The following PTPN12 variants were observed in gnomAD, a reference collection of about 807,000 sequenced individuals.
PTPN12 encodes the protein tyrosine-protein phosphatase non-receptor type 12.
Under a neutral mutation model 97.6 loss-of-function variants are expected in PTPN12, and 29 were observed. The ratio of observed to expected loss-of-function variants is 0.30; its 90% CI spans 0.22 to 0.41. The LOEUF (loss-of-function observed/expected upper bound fraction) is 0.41, where lower values mean the gene tolerates loss of function less well. Ranked by LOEUF, PTPN12 falls within the 10% of genes least tolerant of loss-of-function variation. PTPN12 has a pLI of 1.00. For synonymous variants in PTPN12, 327 were observed against 300.4 expected, an observed-to-expected ratio of 1.09 and a Z score of -0.91; for missense variants, 819 against 926.0, an observed-to-expected ratio of 0.88 and a Z score of 1.50.
At chr7:77,537,982 G>GA (rs956370021) in intron 1 of PTPN12, 72 of 985,564 alleles carry the variant, frequency 7.3e-5, no homozygotes, top group South Asian at 9.9e-5. Flanking sequence ...GCAGGCCGGG[G>GA]GGGGGGGCTC....
At chr7:77,580,523 T>C (rs1387964742) in intron 2 of PTPN12, among the ~76,000 whole-genome samples, 1 of 152,134 alleles carries the variant, frequency 6.6e-6, no homozygotes. Flanking sequence ...AACTTTAATA[T>C]AGTATCTTGA....
chr7:77,592,154 T>C, intron 5 of PTPN12, 31 bp from the exon 6 acceptor site: 1 of 1,551,370 alleles, frequency 6.4e-7, no homozygotes, highest in Non-Finnish European at 8.8e-7. Flanking sequence ...CTTACATGAA[T>C]TACTTACTAA....
intron 1 of PTPN12, among the ~76,000 whole-genome samples, chr7:77,565,316 C>T (rs886889830): frequency 2.0e-5 from 3 of 152,184 alleles, no homozygotes; most frequent in Non-Finnish European, 4.4e-5. Context: ...AATGTATTTT[C>T]ACTTCAAAGT....
intron 6 of PTPN12, among the ~76,000 whole-genome samples, 159 bp from the exon 7 acceptor site, chr7:77,597,683 G>T (rs1216599219): frequency 2.6e-5 from 4 of 152,140 alleles, no homozygotes; most frequent in African/African-American, 4.8e-5. Flanking sequence ...CATTTCAAAT[G>T]TTTGATGACT....
intron 14 of PTPN12, among the ~76,000 whole-genome samples, 182 bp downstream of exon 14, chr7:77,632,607 C>T (rs961775390): frequency 6.6e-6 from 1 of 152,070 alleles, no homozygotes; most frequent in Non-Finnish European, 1.5e-5. Flanking sequence ...TTTTTACTTG[C>T]TAAGATCGAT....
At chr7:77,603,166 C>A (rs2151363662) in intron 8 of PTPN12, among the ~76,000 whole-genome samples, 1 of 151,982 alleles carries the variant, frequency 6.6e-6, no homozygotes, top group African/African-American at 2.4e-5. Flanking sequence ...GTAGGATTGA[C>A]CAGTTAAAAA....
At chr7:77,607,097 TTTTG>T (rs1788401056) in intron 8 of PTPN12, 134 bp from the exon 9 acceptor site, 7 of 614,902 alleles carry the variant, frequency 1.1e-5, no homozygotes, top group South Asian at 8.6e-5. Context: ...GTAAGTTGTA[TTTTG>T]TTTATTACTA....
intron 2 of PTPN12, among the ~76,000 whole-genome samples, chr7:77,573,382 T>C (rs138214347): frequency 1.3e-5 from 2 of 152,276 alleles, no homozygotes; most frequent in Non-Finnish European, 2.9e-5. Flanking sequence ...CTCTGGCTCA[T>C]AGATGGTGCC....
At chr7:77,595,391 G>C (rs1020814317) in intron 6 of PTPN12, among the ~76,000 whole-genome samples, 9 of 152,170 alleles carry the variant, frequency 5.9e-5, no homozygotes, top group Admixed American at 5.2e-4. Flanking sequence ...CTTTTCTAGA[G>C]CTCTCTCTCG....
At chr7:77,602,234 A>G (rs1788214973) in intron 8 of PTPN12, among the ~76,000 whole-genome samples, 1 of 152,172 alleles carries the variant, frequency 6.6e-6, no homozygotes, top group African/African-American at 2.4e-5. Flanking sequence ...AATCAGTTTA[A>G]GATAACCAAC....
intron 12 of PTPN12, among the ~76,000 whole-genome samples, chr7:77,623,867 A>G (rs1032118726): frequency 2.0e-5 from 3 of 152,196 alleles, no homozygotes; most frequent in Admixed American, 1.3e-4. Flanking sequence ...TCTTAGGATA[A>G]CCTATTGGTC....
intron 16 of PTPN12, 61 bp from the exon 17 acceptor site, chr7:77,638,563 G>GTT (rs1340266707): frequency 4.1e-6 from 6 of 1,466,222 alleles, no homozygotes; most frequent in African/African-American, 2.9e-5. Flanking sequence ...AAATTAAAGA[G>GTT]TTATATATAT....
At chr7:77,591,374 T>C (rs575769470) in intron 5 of PTPN12, among the ~76,000 whole-genome samples, 2 of 152,356 alleles carry the variant, frequency 1.3e-5, no homozygotes, top group South Asian at 4.1e-4. Flanking sequence ...TCTTAATACC[T>C]GAATCATTCT....
intron 14 of PTPN12, among the ~76,000 whole-genome samples, chr7:77,633,411 C>G (rs1052945793): frequency 4.0e-5 from 6 of 151,880 alleles, no homozygotes; most frequent in African/African-American, 1.5e-4. Flanking sequence ...ACATCAAGAC[C>G]ATCCTGGCTA....
intron 1 of PTPN12, among the ~76,000 whole-genome samples, chr7:77,570,127 T>C (rs1218389205): frequency 2.6e-5 from 4 of 152,232 alleles, no homozygotes; most frequent in Admixed American, 6.5e-5. Flanking sequence ...AGTAAATCTT[T>C]ATCATAAAGA....
chr7:77,600,573 A>C (rs980290603), intron 7 of PTPN12, 91 bp from the exon 8 acceptor site: 2 of 1,134,934 alleles, frequency 1.8e-6, no homozygotes, highest in African/African-American at 3.1e-5. Flanking sequence ...ATGCCACACA[A>C]ATTTCTTAGA....
chr7:77,573,082 C>CAAAAAAAAAAAAACAA (rs1787203541), intron 2 of PTPN12, among the ~76,000 whole-genome samples: 1 of 36,380 alleles, frequency 2.7e-5, no homozygotes, highest in Non-Finnish European at 3.9e-5. Flanking sequence ...GACTCTATCT[C>CAAAAAAAAAAAAACAA]AAAAAAAAAA....
rs370159470 is a variant in PTPN12, at chr7:77,626,959, A to G, written c.1280A>G (p.Asp427Gly). Residue 427 changes from aspartate to glycine, a missense_variant, in exon 13 of 18, where the codon GAT becomes GGT. Transcript: ENST00000248594. Reference sequence around the variant, plus strand: ...AATGAATCAACAATTGAACAGATAGATAAAAAATTGGAACGAAATTTAAGT... The same window carrying G: ...AATGAATCAACAATTGAACAGATAGGTAAAAAATTGGAACGAAATTTAAGT... The part of the protein sequence containing the change: ...GKNESTIEQI[D>G]KKLERNLSFE... The G allele has an allele frequency of 6.2e-7, 1 of 1,610,674 alleles. No homozygotes were observed. The highest frequency in any genetic ancestry group is 8.5e-7 in the Non-Finnish European group (1 of 1,179,006).
intron 8 of PTPN12, among the ~76,000 whole-genome samples, chr7:77,604,239 G>A (rs146421829): frequency 3.3e-3 from 196 of 60,106 alleles, no homozygotes; most frequent in African/African-American, 9.7e-3. Flanking sequence ...TTTTTGAGAC[G>A]GAGTCTTGGG....
Sources: gnomAD v4.1 joint callset for allele counts (sites outside exome capture counted in the v4.1 genomes callset) on GRCh38, gnomAD v4.1.1 for gene constraint, MANE v1.5 for transcripts, NCBI Gene and HGNC (gene_info 2026-07-23, HGNC 2026-07-21) for gene names.